Variants in IGFL2 observed in about 807,000 individuals in gnomAD.
IGFL2 encodes the protein insulin growth factor-like family member 2.
IGFL2 carries 7 observed loss-of-function variants against 13.9 expected under a neutral mutation model. That is an observed-to-expected ratio of 0.51 (90% CI 0.29 to 0.95). IGFL2 has a LOEUF of 0.95. IGFL2 is among the 40% of genes least tolerant of loss of function. The probability of loss-of-function intolerance (pLI) is 0.08; values close to 1 mark genes in which losing one functional copy is unlikely to be tolerated. For synonymous variants in IGFL2, 55 were observed against 55.8 expected (o/e 0.99, Z 0.07); for missense variants, 138 against 147.8 (o/e 0.93, Z 0.34).
chr19:46,117,842 A>G, the IGFL2 span, among the ~76,000 whole-genome samples: 2 of 152,140 alleles, frequency 1.3e-5, no homozygotes, highest in Admixed American at 6.5e-5. Context: ...TGGAGATAGC[A>G]CTTCTTCCTG....
chr19:46,152,607 T>G (rs781207211), intron 1 of IGFL2, among the ~76,000 whole-genome samples: 2 of 152,224 alleles, frequency 1.3e-5, no homozygotes, highest in Non-Finnish European at 2.9e-5. Context: ...ACATACAAAA[T>G]CATGTCATTT....
At chr19:46,169,571 C>A in the IGFL2 span, among the ~76,000 whole-genome samples, 1 of 152,044 alleles carries the variant, frequency 6.6e-6, no homozygotes, top group African/African-American at 2.4e-5. Context: ...TATGGGTGAG[C>A]AAAGAATAAT....
chr19:46,175,929 A>G, the IGFL2 span, among the ~76,000 whole-genome samples: 121 of 122,598 alleles, frequency 9.9e-4, 2 homozygotes, highest in Middle Eastern at 0.021. Context: ...TGCAACCTCC[A>G]CCTCCCTGGT....
the IGFL2 span, among the ~76,000 whole-genome samples, chr19:46,206,068 T>C: frequency 6.6e-6 from 1 of 152,150 alleles, no homozygotes; most frequent in Non-Finnish European, 1.5e-5. Flanking sequence ...TGAGAAAATG[T>C]AGAGAGAAGA....
chr19:46,126,940 G>A, the IGFL2 span, among the ~76,000 whole-genome samples: 2 of 152,146 alleles, frequency 1.3e-5, no homozygotes, highest in Admixed American at 1.3e-4. Context: ...GAATATATAT[G>A]TACATCTCTG....
At chr19:46,096,282 A>G in the IGFL2 span, among the ~76,000 whole-genome samples, 2,766 of 152,068 alleles carry the variant, frequency 0.018, 90 homozygotes, top group African/African-American at 0.062. Flanking sequence ...CTTTGTAGCA[A>G]TTGTGAATGG....
At chr19:46,086,356 G>A in the IGFL2 span, among the ~76,000 whole-genome samples, 108 of 151,504 alleles carry the variant, frequency 7.1e-4, no homozygotes, top group African/African-American at 2.5e-3. Flanking sequence ...ATGGAGTCTC[G>A]CTCTGTCTCC....
chr19:46,187,708 A>G, the IGFL2 span, among the ~76,000 whole-genome samples: 1 of 145,930 alleles, frequency 6.9e-6, no homozygotes, highest in Non-Finnish European at 1.5e-5. Flanking sequence ...GTGCTACCTG[A>G]TCAGAGACGG....
chr19:46,211,580 G>C, the IGFL2 span: 50 of 152,100 alleles, frequency 3.3e-4, 1 homozygote, highest in Non-Finnish European at 4.4e-5. Context: ...CGTCCTCCGG[G>C]GTTTCACATT....
the IGFL2 span, chr19:46,124,815 G>A: frequency 1.5e-6 from 1 of 666,564 alleles, no homozygotes; most frequent in Admixed American, 2.3e-5. Context: ...GATAACCAAA[G>A]TCTCCCAAGC....
At chr19:46,106,265 A>C in the IGFL2 span, among the ~76,000 whole-genome samples, 19 of 152,156 alleles carry the variant, frequency 1.2e-4, 1 homozygote, top group African/African-American at 4.6e-4. Flanking sequence ...TAGATGTTGG[A>C]GGAGCAGGAG....
At chr19:46,208,602 A>T in the IGFL2 span, 5 of 152,158 alleles carry the variant, frequency 3.3e-5, no homozygotes, top group Non-Finnish European at 4.4e-5. Context: ...TGTAATCCCC[A>T]TGTGTCAGGG....
upstream of IGFL2, among the ~76,000 whole-genome samples, chr19:46,144,090 TAA>T (rs1411557818): frequency 6.6e-6 from 1 of 152,212 alleles, no homozygotes; most frequent in African/African-American, 2.4e-5. Flanking sequence ...ACTTTTTATG[TAA>T]AGAGTCAGGC....
chr19:46,130,060 T>G, the IGFL2 span, among the ~76,000 whole-genome samples: 5 of 143,026 alleles, frequency 3.5e-5, no homozygotes, highest in African/African-American at 1.2e-4. Context: ...TGGGTGCATA[T>G]GTATTTAGGA....
At chr19:46,118,021 A>G in the IGFL2 span, among the ~76,000 whole-genome samples, 2 of 152,150 alleles carry the variant, frequency 1.3e-5, no homozygotes, top group Non-Finnish European at 2.9e-5. Flanking sequence ...GATTTTATCC[A>G]CCCAGAATTA....
the IGFL2 span, among the ~76,000 whole-genome samples, chr19:46,096,772 A>G: frequency 6.6e-6 from 1 of 152,304 alleles, no homozygotes. Flanking sequence ...ATCTATTGAG[A>G]TAATTGTGTG....
the IGFL2 span, chr19:46,113,323 G>T: frequency 3.4e-6 from 1 of 293,138 alleles, no homozygotes; most frequent in Non-Finnish European, 6.8e-6. Context: ...TTTGTTCATA[G>T]CCTGAAGTCA....
At chr19:46,145,120 T>G (rs1299056469), upstream of IGFL2, among the ~76,000 whole-genome samples, 1 of 152,172 alleles carries the variant, frequency 6.6e-6, no homozygotes, top group Non-Finnish European at 1.5e-5. Flanking sequence ...ATAAGTTTCA[T>G]TTCTCTGGGA....
At chr19:46,078,544 G>T in the IGFL2 span, among the ~76,000 whole-genome samples, 1 of 152,216 alleles carries the variant, frequency 6.6e-6, no homozygotes, top group African/African-American at 2.4e-5. Context: ...ACCTGCTCCT[G>T]TATTACCTAA....
Sources: gnomAD v4.1 joint callset for allele counts (sites outside exome capture counted in the v4.1 genomes callset) on GRCh38, gnomAD v4.1.1 for gene constraint, MANE v1.5 for transcripts, NCBI Gene and HGNC (gene_info 2026-07-23, HGNC 2026-07-21) for gene names.